FARS2: variants seen among roughly 807,000 people sequenced by gnomAD.
FARS2 encodes the protein phenylalanine--tRNA ligase, mitochondrial.
A neutral mutation model predicts 46.4 loss-of-function variants in FARS2; 40 were observed. That is an observed-to-expected ratio of 0.86 (90% CI 0.67 to 1.12). The LOEUF is 1.12. Ranked by LOEUF, FARS2 falls within the 50% of genes most tolerant of loss-of-function variation. The pLI is 0.00. For synonymous variants in FARS2, 234 were observed against 214.9 expected, an observed-to-expected ratio of 1.09 and a Z score of -0.78; for missense variants, 513 against 567.9, an observed-to-expected ratio of 0.90 and a Z score of 0.98.
chr6:5,753,183 A>G (rs1039270812), intron 6 of FARS2, among the ~76,000 whole-genome samples: 1 of 152,180 alleles, frequency 6.6e-6, no homozygotes, highest in Non-Finnish European at 1.5e-5. Context: ...GAGCAAGAAC[A>G]TGTGTTGTGT....
At position 5,354,599 on chromosome 6, in the gene FARS2, C is replaced by T. The variant is rs376873108; in HGVS notation, c.-21-13951C>T. Among the ~76,000 whole-genome samples the T allele has an allele frequency of 3.9e-4, 59 of 151,732 alleles. No individual in the cohort carries two copies. In the South Asian group the frequency reaches 9.4e-3, roughly 24 times the overall value. Reference sequence around the variant, plus strand: ...CACGATCTCTGCTCGCTGCAAGCTCCGCCTCCCAGGTTCATGCCATTCTCC... The same window carrying T: ...CACGATCTCTGCTCGCTGCAAGCTCTGCCTCCCAGGTTCATGCCATTCTCC... On this transcript the variant is annotated intron_variant, in intron 1 of 6. Transcript: ENST00000274680.
chr6:5,399,173 T>TCA (rs1303681238), intron 2 of FARS2, among the ~76,000 whole-genome samples: 4 of 99,542 alleles, frequency 4.0e-5, no homozygotes, highest in African/African-American at 1.3e-4. Context: ...ATTATTATTA[T>TCA]TATCATCATC....
At chr6:5,256,676 C>T (rs926893051), upstream of FARS2, among the ~76,000 whole-genome samples, 1 of 152,060 alleles carries the variant, frequency 6.6e-6, no homozygotes, top group Non-Finnish European at 1.5e-5. Flanking sequence ...GTGCTGACTA[C>T]TGCAGTGCTC....
intron 6 of FARS2, among the ~76,000 whole-genome samples, chr6:5,688,032 A>G (rs1027156803): frequency 1.3e-5 from 2 of 152,110 alleles, no homozygotes; most frequent in African/African-American, 2.4e-5. Flanking sequence ...AATACTTGTG[A>G]TTTTTGCACA....
intron 4 of FARS2, among the ~76,000 whole-genome samples, chr6:5,447,679 A>G (rs1764257608): frequency 6.6e-6 from 1 of 152,248 alleles, no homozygotes; most frequent in Non-Finnish European, 1.5e-5. Flanking sequence ...GGTTGAAAAC[A>G]GTCCATGTAG....
chr6:5,616,598 G>C (rs750049680), intron 6 of FARS2, among the ~76,000 whole-genome samples: 1 of 152,122 alleles, frequency 6.6e-6, no homozygotes, highest in Non-Finnish European at 1.5e-5. Flanking sequence ...TACCTTATAC[G>C]TGTATCCTGA....
intron 6 of FARS2, among the ~76,000 whole-genome samples, chr6:5,616,673 T>A (rs1228774412): frequency 6.6e-6 from 1 of 152,236 alleles, no homozygotes; most frequent in East Asian, 1.9e-4. Context: ...TATTGAATAA[T>A]CAGAAAGCTT....
At chr6:5,507,099 A>G (rs1485591997) in intron 4 of FARS2, among the ~76,000 whole-genome samples, 1 of 152,222 alleles carries the variant, frequency 6.6e-6, no homozygotes, top group Admixed American at 6.5e-5. Context: ...CCTTTCTGCC[A>G]CCTACCTTCT....
chr6:5,498,260 C>G (rs1236489586), intron 4 of FARS2, among the ~76,000 whole-genome samples: 1 of 152,160 alleles, frequency 6.6e-6, no homozygotes, highest in Non-Finnish European at 1.5e-5. Flanking sequence ...TCTGGATTAT[C>G]TCAAAAGAGA....
At chr6:5,297,684 G>T (rs1767991449) in intron 1 of FARS2, among the ~76,000 whole-genome samples, 1 of 151,762 alleles carries the variant, frequency 6.6e-6, no homozygotes, top group African/African-American at 2.4e-5. Context: ...CAAAAGAACA[G>T]CAACAGCAAC....
At chr6:5,599,236 T>C (rs1161821137) in intron 5 of FARS2, among the ~76,000 whole-genome samples, 1 of 152,190 alleles carries the variant, frequency 6.6e-6, no homozygotes, top group East Asian at 1.9e-4. Flanking sequence ...GATGGAAGGC[T>C]TATATCTGTC....
upstream of FARS2, among the ~76,000 whole-genome samples, chr6:5,258,709 T>G (rs1764795149): frequency 6.6e-6 from 1 of 152,216 alleles, no homozygotes; most frequent in Non-Finnish European, 1.5e-5. Flanking sequence ...ATTATCAGAT[T>G]CCTTTGGATA....
At chr6:5,535,198 A>G in intron 4 of FARS2, among the ~76,000 whole-genome samples, 1 of 152,204 alleles carries the variant, frequency 6.6e-6, no homozygotes, top group East Asian at 1.9e-4. Context: ...TATAGTTTTC[A>G]AGGTACAAAT....
At chr6:5,429,105 G>A (rs2127764345) in intron 3 of FARS2, among the ~76,000 whole-genome samples, 1 of 152,186 alleles carries the variant, frequency 6.6e-6, no homozygotes, top group East Asian at 1.9e-4. Context: ...CAGTGGGCAG[G>A]TGGGTAGGAT....
intron 1 of FARS2, among the ~76,000 whole-genome samples, chr6:5,362,637 A>G (rs560263820): frequency 1.3e-5 from 2 of 152,252 alleles, no homozygotes; most frequent in East Asian, 3.9e-4. Context: ...TTCTATTTTT[A>G]AATTTTTTTG....
intron 4 of FARS2, among the ~76,000 whole-genome samples, chr6:5,529,347 C>T (rs1769672267): frequency 1.3e-5 from 2 of 152,086 alleles, no homozygotes; most frequent in Admixed American, 6.5e-5. Context: ...CTCACTCTGT[C>T]GCCTGGCTGC....
At chr6:5,768,246 A>G (rs1308551642) in intron 6 of FARS2, among the ~76,000 whole-genome samples, 2 of 152,226 alleles carry the variant, frequency 1.3e-5, no homozygotes, top group Non-Finnish European at 2.9e-5. Context: ...TCACCAAACA[A>G]ACATTCTGCT....
At chr6:5,398,293 A>G (rs1212644410) in intron 2 of FARS2, among the ~76,000 whole-genome samples, 3 of 152,130 alleles carry the variant, frequency 2.0e-5, no homozygotes, top group Non-Finnish European at 2.9e-5. Context: ...ATTTTACTGT[A>G]AGGAAGACCT....
chr6:5,749,961 G>A (rs909025035), intron 6 of FARS2, among the ~76,000 whole-genome samples: 3 of 152,150 alleles, frequency 2.0e-5, no homozygotes, highest in Non-Finnish European at 2.9e-5. Flanking sequence ...GGAGTTACAC[G>A]CATTCCACCC....
Sources: gnomAD v4.1 joint callset for allele counts (sites outside exome capture counted in the v4.1 genomes callset) on GRCh38, gnomAD v4.1.1 for gene constraint, MANE v1.5 for transcripts, NCBI Gene and HGNC (gene_info 2026-07-23, HGNC 2026-07-21) for gene names.